The following ZCWPW2 variants were observed in gnomAD, a reference collection of about 807,000 sequenced individuals.
The protein encoded by ZCWPW2 is zinc finger CW-type and PWWP domain containing 2.
A neutral mutation model predicts 46.6 loss-of-function variants in ZCWPW2; 45 were observed. The observed-to-expected ratio is 0.96, with a 90% confidence interval of 0.76 to 1.24. The LOEUF is 1.24. Ranked by LOEUF, ZCWPW2 falls within the 50% of genes most tolerant of loss-of-function variation. ZCWPW2 has a pLI of 0.00. For missense variants in ZCWPW2, 429 were observed against 403.9 expected (o/e 1.06, Z -0.53); for synonymous variants, 152 against 137.1 (o/e 1.11, Z -0.76).
At chr3:28,440,808 GCAGGTTAGGCAAACCCATATC>G (rs1246898601) in intron 4 of ZCWPW2, among the ~76,000 whole-genome samples, 1 of 152,190 alleles carries the variant, frequency 6.6e-6, no homozygotes, top group African/African-American at 2.4e-5. Flanking sequence ...AGCATTGTGT[GCAGGTTAGGCAAACCCATATC>G]CAGAGTAAGT....
chr3:28,459,674 G>C (rs1220945142), intron 4 of ZCWPW2, among the ~76,000 whole-genome samples: 2 of 152,114 alleles, frequency 1.3e-5, no homozygotes, highest in African/African-American at 4.8e-5. Context: ...GGTGGTGCCT[G>C]ATTTTCTCTC....
chr3:28,365,106 A>C (rs901650260), intron 1 of ZCWPW2, among the ~76,000 whole-genome samples: 2 of 150,736 alleles, frequency 1.3e-5, no homozygotes, highest in African/African-American at 2.4e-5. Context: ...TTGCCTGTTC[A>C]CTCTGATGGT....
chr3:28,506,103 ATATATAT>A (rs1700269612), intron 6 of ZCWPW2, among the ~76,000 whole-genome samples: 1 of 147,186 alleles, frequency 6.8e-6, no homozygotes, highest in Non-Finnish European at 1.5e-5. Flanking sequence ...ATAATATATA[ATATATAT>A]ATTTAACAAA....
chr3:28,385,805 C>T (rs1375258037), intron 1 of ZCWPW2, among the ~76,000 whole-genome samples: 1 of 152,054 alleles, frequency 6.6e-6, no homozygotes, highest in Non-Finnish European at 1.5e-5. Context: ...TGAATTTTTT[C>T]TCTTAATATT....
rs529198953 is a variant in ZCWPW2 at position 28,349,022 on chromosome 3, A to T, written c.-315A>T. The T allele has an allele frequency of 2.0e-6, 2 of 985,832 alleles. No individual in the cohort carries two copies. The highest frequency in any genetic ancestry group is 4.7e-5 in the South Asian group (1 of 21,302). The allele number at this position is 985,832 out of a possible 1,614,324, so 61.1% of individuals were successfully genotyped here. A position where few individuals can be genotyped will look rare whatever the true frequency, so the allele number is the denominator to read the frequency against. ...GCTGTCCGCGGGCTCGGCGCCAGGG[A>T]CGCGCGAGGAAACCGGAAGTCAGGC... On this transcript the variant is annotated 5_prime_UTR_variant, in exon 1 of 10. Coordinates refer to ENST00000383768, the MANE Select transcript of ZCWPW2 (RefSeq NM_001040432.4).
chr3:28,357,710 C>G lies in ZCWPW2; in HGVS notation c.-134+8507C>G, dbSNP rs541762637. Among the ~76,000 whole-genome samples the G allele has an allele frequency of 8.7e-4, 132 of 151,520 alleles. 2 individuals are homozygous for G. The highest frequency in any genetic ancestry group is 3.1e-3 in the African/African-American group (130 of 41,320). On this transcript the variant is annotated intron_variant, in intron 1 of 9. Coordinates refer to ENST00000383768, the MANE Select transcript of ZCWPW2 (RefSeq NM_001040432.4). ...TTATACCACTGACTCTCCTCGTTCTCTAGCTTATATATGACAGATCATGGG... is the reference window on the plus strand; with the variant it reads ...TTATACCACTGACTCTCCTCGTTCTGTAGCTTATATATGACAGATCATGGG...
At chr3:28,371,969 TTCCTCC>T (rs34265386) in intron 1 of ZCWPW2, among the ~76,000 whole-genome samples, 2 of 150,884 alleles carry the variant, frequency 1.3e-5, no homozygotes, top group South Asian at 2.1e-4. Flanking sequence ...TCCTTCTTCT[TTCCTCC>T]TCCTCCTCCT....
At chr3:28,421,136 T>C (rs1164969981) in intron 3 of ZCWPW2, among the ~76,000 whole-genome samples, 1 of 152,062 alleles carries the variant, frequency 6.6e-6, no homozygotes, top group Admixed American at 6.6e-5. Flanking sequence ...AGAGTCAAGG[T>C]TCCCCACTCA....
At position 28,363,089 on chromosome 3, in the gene ZCWPW2, A is replaced by G. The variant is rs1446442806; in HGVS notation, c.-134+13886A>G. 2.6e-5 allele frequency among the ~76,000 whole-genome samples: 4 copies of G among 152,210 alleles called. No individual in the cohort carries two copies. In the South Asian group the frequency reaches 6.2e-4, roughly 24 times the overall value. On this transcript the variant is annotated intron_variant, in intron 1 of 9. Coordinates refer to ENST00000383768, the MANE Select transcript of ZCWPW2 (RefSeq NM_001040432.4). ...GAGGGTGGGAGGGAGAGGTTCAGAAAAAAAACAAAACAAAGCTGTTGGGTA... is the reference window on the plus strand; with the variant it reads ...GAGGGTGGGAGGGAGAGGTTCAGAAGAAAAACAAAACAAAGCTGTTGGGTA...
chr3:28,523,956 G>A (rs1700789575), intron 9 of ZCWPW2, among the ~76,000 whole-genome samples: 2 of 151,940 alleles, frequency 1.3e-5, no homozygotes, highest in South Asian at 4.1e-4. Flanking sequence ...CTATAAAAGG[G>A]TACATTTTTG....
chr3:28,380,545 T>A (rs1469608055), intron 1 of ZCWPW2, among the ~76,000 whole-genome samples: 1 of 152,222 alleles, frequency 6.6e-6, no homozygotes, highest in African/African-American at 2.4e-5. Flanking sequence ...CCATTGCTCT[T>A]GTCATGTCGT....
At chr3:28,511,228 G>A (rs1656787509) in intron 6 of ZCWPW2, 7 of 301,176 alleles carry the variant, frequency 2.3e-5, no homozygotes, top group South Asian at 1.8e-4. Flanking sequence ...AGGAGCAAAT[G>A]TCTATTCTTT....
intron 5 of ZCWPW2, among the ~76,000 whole-genome samples, chr3:28,488,375 C>A (rs1427086031): frequency 6.6e-6 from 1 of 152,112 alleles, no homozygotes; most frequent in Non-Finnish European, 1.5e-5. Flanking sequence ...TTTTGCTCAC[C>A]TTTGTACATG....
chr3:28,391,256 T>C (rs1242194773), intron 2 of ZCWPW2, among the ~76,000 whole-genome samples: 1 of 151,938 alleles, frequency 6.6e-6, no homozygotes, highest in African/African-American at 2.4e-5. Context: ...GATACATGGT[T>C]AAAAAGAACA....
chr3:28,429,801 G>A (rs1382343481), intron 3 of ZCWPW2, among the ~76,000 whole-genome samples: 1 of 152,202 alleles, frequency 6.6e-6, no homozygotes, highest in African/African-American at 2.4e-5. Flanking sequence ...AGCTCAGACT[G>A]TTGCTTCAAA....
intron 9 of ZCWPW2, among the ~76,000 whole-genome samples, chr3:28,522,492 G>T (rs1263658697): frequency 6.6e-6 from 1 of 152,070 alleles, no homozygotes; most frequent in Non-Finnish European, 1.5e-5. Flanking sequence ...GGACAAAGGG[G>T]TTTATACCTT....
intron 4 of ZCWPW2, among the ~76,000 whole-genome samples, chr3:28,446,181 A>G (rs1328650756): frequency 6.6e-6 from 1 of 152,104 alleles, no homozygotes; most frequent in African/African-American, 2.4e-5. Context: ...TAGATTTAAC[A>G]GGCATGTACA....
chr3:28,448,119 T>TA (rs892407771), intron 4 of ZCWPW2: 22 of 198,012 alleles, frequency 1.1e-4, no homozygotes, highest in Middle Eastern at 2.0e-3. Context: ...TTAAAAGGCT[T>TA]AAAAAAAAGA....
rs553845232 is a variant in ZCWPW2 at position 28,392,701 on chromosome 3, C to T, written c.-14+2084C>T. ...AATGTGGTAATTAAACAACATGTCC[C>T]TGCACAACCAATGGCTCACTGAAGA... On this transcript the variant is annotated intron_variant, in intron 2 of 9. Transcript: ENST00000383768. Among the ~76,000 whole-genome samples, 6 of 151,940 alleles carry T rather than the reference C, an allele frequency of 3.9e-5. No homozygotes were observed. The South Asian group carries it at 1.3e-3, about 32-fold the overall frequency.
Sources: allele counts gnomAD v4.1 joint callset (sites outside exome capture counted in the v4.1 genomes callset), GRCh38; gene constraint gnomAD v4.1.1; transcripts MANE v1.5; gene names NCBI Gene and HGNC (gene_info 2026-07-23, HGNC 2026-07-21).